The following PLEKHM3 variants were observed in gnomAD, a reference collection of about 807,000 sequenced individuals.
PLEKHM3 encodes the protein pleckstrin homology domain-containing family M member 3.
Under a neutral mutation model 81.8 loss-of-function variants are expected in PLEKHM3, and 45 were observed. That is an observed-to-expected ratio of 0.55 (90% CI 0.43 to 0.71). PLEKHM3 has a LOEUF of 0.71. Ranked by LOEUF, PLEKHM3 falls within the 30% of genes least tolerant of loss-of-function variation. The pLI is 0.00. For synonymous variants in PLEKHM3, 352 were observed against 356.4 expected (o/e 0.99, Z 0.14); for missense variants, 788 against 924.3 (o/e 0.85, Z 1.91).
At chr2:207,953,949 C>T (rs1690421881) in intron 3 of PLEKHM3, among the ~76,000 whole-genome samples, 1 of 152,150 alleles carries the variant, frequency 6.6e-6, no homozygotes, top group African/African-American at 2.4e-5. Context: ...TGGACTACTG[C>T]TATAGCTAGG....
intron 1 of PLEKHM3, among the ~76,000 whole-genome samples, chr2:208,004,329 G>A (rs1692421977): frequency 6.6e-6 from 1 of 151,836 alleles, no homozygotes; most frequent in South Asian, 2.1e-4. Context: ...GTGGGAGGAG[G>A]ATCATTTGAA....
chr2:207,997,007 C>CAAA (rs10654114), intron 2 of PLEKHM3, among the ~76,000 whole-genome samples: 1 of 146,092 alleles, frequency 6.8e-6, no homozygotes, highest in African/African-American at 2.5e-5. Flanking sequence ...ACTTTATGTC[C>CAAA]AAAAAAAAAA....
intron 4 of PLEKHM3, among the ~76,000 whole-genome samples, chr2:207,934,081 A>G (rs1689672577): frequency 6.6e-6 from 1 of 152,202 alleles, no homozygotes; most frequent in Non-Finnish European, 1.5e-5. Flanking sequence ...CTCAAACTCA[A>G]CTCGAATTAA....
At chr2:207,860,966 G>A (rs1344522767) in intron 7 of PLEKHM3, 139 bp downstream of exon 7, 13 of 984,690 alleles carry the variant, frequency 1.3e-5, no homozygotes, top group East Asian at 2.5e-5. Context: ...GGGGAAACAT[G>A]TTCTCCAAGA....
intron 2 of PLEKHM3, among the ~76,000 whole-genome samples, chr2:207,983,078 G>T (rs1218887719): frequency 7.1e-6 from 1 of 140,426 alleles, no homozygotes; most frequent in Non-Finnish European, 1.5e-5. Flanking sequence ...TTGAGACGGA[G>T]TCTCGCTCTG....
intron 6 of PLEKHM3, among the ~76,000 whole-genome samples, chr2:207,868,279 T>A (rs112160255): frequency 0.019 from 2,866 of 151,958 alleles, 90 homozygotes; most frequent in African/African-American, 0.062. Flanking sequence ...TTATTATTTT[T>A]TTTTTTTAAA....
At chr2:207,876,345 G>A (rs1418683114) in intron 6 of PLEKHM3, among the ~76,000 whole-genome samples, 1 of 151,822 alleles carries the variant, frequency 6.6e-6, no homozygotes, top group African/African-American at 2.4e-5. Flanking sequence ...AACATAATCT[G>A]CATATGCATA....
At chr2:207,906,775 C>T (rs368887287) in intron 6 of PLEKHM3, among the ~76,000 whole-genome samples, 3 of 151,636 alleles carry the variant, frequency 2.0e-5, no homozygotes. Context: ...GGCAACAGAG[C>T]GAGACTGTCA....
intron 1 of PLEKHM3, among the ~76,000 whole-genome samples, chr2:208,021,438 C>A (rs1447590938): frequency 6.6e-6 from 1 of 152,178 alleles, no homozygotes; most frequent in Non-Finnish European, 1.5e-5. Flanking sequence ...AAGTTTCCAA[C>A]TTTATTTTCA....
At chr2:207,926,940 G>C (rs756361451) in intron 5 of PLEKHM3, among the ~76,000 whole-genome samples, 14 of 152,154 alleles carry the variant, frequency 9.2e-5, no homozygotes, top group African/African-American at 3.4e-4. Context: ...GTTTTCTCAC[G>C]ACAGCAATAT....
At position 207,889,434 on chromosome 2, in the gene PLEKHM3, A is replaced by AACACACACACACACACAC. The variant is rs35082335; in HGVS notation, c.1950+19062_1950+19079dup. Among the ~76,000 whole-genome samples, 62 of 129,240 alleles carry AACACACACACACACACAC rather than the reference A, an allele frequency of 4.8e-4. No homozygotes were observed. In the Middle Eastern group the frequency reaches 0.011, roughly 24 times the overall value. 84.8% of individuals were successfully genotyped at this position (129,240 alleles called of 152,430 possible). The stretch of plus-strand genomic sequence containing the variant: ...TAAGAGCAGACAGGAGGTTTTTTTC[A>AACACACACACACACACAC]ACACACACACACACACACACACACA... On this transcript the variant is annotated intron_variant, in intron 6 of 7. Coordinates refer to ENST00000427836, the MANE Select transcript of PLEKHM3 (RefSeq NM_001080475.3).
At chr2:207,888,458 A>G (rs546759832) in intron 6 of PLEKHM3, among the ~76,000 whole-genome samples, 22 of 152,186 alleles carry the variant, frequency 1.4e-4, no homozygotes, top group African/African-American at 5.1e-4. Flanking sequence ...GTGCAGTGGC[A>G]TGATCTCAGC....
chr2:207,924,694 CCAAAA>C (rs1689327965), intron 5 of PLEKHM3, among the ~76,000 whole-genome samples: 1 of 151,972 alleles, frequency 6.6e-6, no homozygotes, highest in African/African-American at 2.4e-5. Flanking sequence ...CAAAACCAAA[CCAAAA>C]CAAACAAACA....
At chr2:208,017,848 C>T (rs553158826) in intron 1 of PLEKHM3, among the ~76,000 whole-genome samples, 1 of 152,080 alleles carries the variant, frequency 6.6e-6, no homozygotes, top group African/African-American at 2.4e-5. Flanking sequence ...TACTGAACAC[C>T]CACTCTTTCC....
chr2:207,882,065 T>C (rs1190422173), intron 6 of PLEKHM3, among the ~76,000 whole-genome samples: 1 of 152,224 alleles, frequency 6.6e-6, no homozygotes, highest in Non-Finnish European at 1.5e-5. Context: ...TTTCAGTGGT[T>C]CTGCCTTTAA....
Position 208,001,623 on chromosome 2 carries a change from A to G in PLEKHM3, c.17T>C (p.Val6Ala), listed in dbSNP as rs775523801. Residue 6 changes from valine (V) to alanine (A), a missense_variant, in exon 2 of 8, where the codon GTG becomes GCG. Transcript: ENST00000427836. Reference sequence around the variant, plus strand: ...TTCTAAGGCTGGGCTGATATCATCCACTTCCAAAGCTTCCATGTCACAGGC... The same window carrying G: ...TTCTAAGGCTGGGCTGATATCATCCGCTTCCAAAGCTTCCATGTCACAGGC... Reference protein sequence around the residue: MEALEVDDISPALEVT... With the variant: MEALEADDISPALEVT... 1.2e-6 allele frequency: 2 copies of G among 1,613,522 alleles called. No individual in the cohort carries two copies. The highest frequency in any genetic ancestry group is 1.7e-6 in the Non-Finnish European group (2 of 1,179,698).
chr2:207,857,928 T>C (rs1404359421), intron 7 of PLEKHM3, among the ~76,000 whole-genome samples: 4 of 151,616 alleles, frequency 2.6e-5, no homozygotes, highest in African/African-American at 7.3e-5. Flanking sequence ...GGATATTGAT[T>C]TGAGAGCTTT....
intron 5 of PLEKHM3, among the ~76,000 whole-genome samples, chr2:207,908,856 C>T (rs1400373203): frequency 6.6e-6 from 1 of 152,212 alleles, no homozygotes; most frequent in Admixed American, 6.5e-5. Context: ...AGGACCAGAA[C>T]ATCAGTTTTC....
intron 3 of PLEKHM3, 37 bp from the exon 4 acceptor site, chr2:207,946,549 T>C: frequency 6.2e-7 from 1 of 1,607,610 alleles, no homozygotes. Flanking sequence ...TGATTGCTGT[T>C]GTACTTTTAA....
Sources: allele counts gnomAD v4.1 joint callset (sites outside exome capture counted in the v4.1 genomes callset), GRCh38; gene constraint gnomAD v4.1.1; transcripts MANE v1.5; gene names NCBI Gene and HGNC (gene_info 2026-07-23, HGNC 2026-07-21).